DCAF15: variants seen among roughly 807,000 people sequenced by gnomAD.
DCAF15 encodes DDB1- and CUL4-associated factor 15.
A neutral mutation model predicts 68.0 loss-of-function variants in DCAF15; 24 were observed. That is an observed-to-expected ratio of 0.35 (90% CI 0.26 to 0.50). The LOEUF is 0.50. Ranked by LOEUF, DCAF15 falls within the 20% of genes least tolerant of loss-of-function variation. DCAF15 has a pLI of 0.98. For synonymous variants in DCAF15, 376 were observed against 341.6 expected (o/e 1.10, Z -1.11); for missense variants, 627 against 830.6 (o/e 0.75, Z 3.01).
At position 13,960,403 on chromosome 19, in the gene DCAF15, C is replaced by A. The variant is rs758913399; in HGVS notation, c.1631+12C>A. The A allele has an allele frequency of 1.2e-6, 2 of 1,613,428 alleles. No homozygotes were observed. The highest frequency in any genetic ancestry group is 1.7e-6 in the Non-Finnish European group (2 of 1,179,700). ...AAAGGGCAGACCAGGTGAGGCAGGG[C>A]TGGGGGGCAGGGTCAGGGCGCGGCC... On this transcript the variant is annotated intron_variant, in intron 11 of 12. Transcript: ENST00000254337.
intron 12 of DCAF15, 92 bp downstream of exon 12, chr19:13,960,672 G>T: frequency 7.6e-7 from 1 of 1,307,506 alleles, no homozygotes; most frequent in South Asian, 1.4e-5. Context: ...AAATGGGTGG[G>T]AAGGCTGGTG....
At chr19:13,960,181 G>T in intron 10 of DCAF15, 106 bp from the exon 11 acceptor site, 1 of 1,566,752 alleles carries the variant, frequency 6.4e-7, no homozygotes, top group Non-Finnish European at 8.7e-7. Context: ...ACCTGGCTGG[G>T]CCCCTCCATA....
chr19:13,952,555 AGCG>A lies in DCAF15; in HGVS notation c.55_57del (p.Gly19del), dbSNP rs1157656435. On this transcript the variant is annotated inframe_deletion, in exon 1 of 13. Coordinates refer to ENST00000254337, the MANE Select transcript of DCAF15 (RefSeq NM_138353.4). ...ATCGGAGCGGAACAGCGGGGCTGGGAGCGGCGGCGGCGGCCCCGGGGGAGCCGG... is the reference window on the plus strand; with the variant it reads ...ATCGGAGCGGAACAGCGGGGCTGGGAGCGGCGGCGGCCCCGGGGGAGCCGG... The A allele has an allele frequency of 6.3e-6, 8 of 1,264,084 alleles. No homozygotes were observed. The highest frequency in any genetic ancestry group is 6.8e-5 in the South Asian group (2 of 29,354). The allele number at this position is 1,264,084 out of a possible 1,614,324, so 78.3% of individuals were successfully genotyped here. A position where few individuals can be genotyped will look rare whatever the true frequency, so the allele number is the denominator to read the frequency against.
chr19:13,952,738 TGGGGGCGGGGCCCCAGGGGA>T, intron 1 of DCAF15, 94 bp downstream of exon 1: 1 of 83,786 alleles, frequency 1.2e-5, no homozygotes, highest in Non-Finnish European at 2.1e-5. Context: ...GGTGAGGGGT[TGGGGGCGGGGCCCCAGGGGA>T]GGGGGCTCGG....
At position 13,959,099 on chromosome 19, in the gene DCAF15, C is replaced by T. The variant is rs1156735206; in HGVS notation, c.839C>T (p.Pro280Leu). ...GACCACAGCACCTGCCCCCTGGCGC[C>T]TGCCAGCCCCCCTGAGCCCCAGAGC... ...LYDHSTCPLA[P>L]ASPPEPQSPE... The change falls in exon 7 of 13, where the codon CCT becomes CTT. Residue 280 changes from proline (P) to leucine (L), a missense_variant. Around this residue, in one of 3 missense-constraint regions of DCAF15, gnomAD observed 273 missense variants for 393.7 expected, o/e 0.69. Transcript: ENST00000254337. 4 of 1,612,544 alleles carry T rather than the reference C, an allele frequency of 2.5e-6. No individual in the cohort carries two copies. Among genetic ancestry groups the T allele is most frequent in the East Asian group, 2.2e-5 (1 of 44,846 alleles).
chr19:13,955,868 C>A (rs749174376), intron 3 of DCAF15, 44 bp from the exon 4 acceptor site: 3 of 1,602,280 alleles, frequency 1.9e-6, no homozygotes, highest in Non-Finnish European at 1.7e-6. Context: ...GGGGGACCTC[C>A]GCAGTTTCCC....
intron 6 of DCAF15, among the ~76,000 whole-genome samples, chr19:13,958,009 C>A (rs1478145033): frequency 2.0e-5 from 3 of 152,166 alleles, no homozygotes; most frequent in African/African-American, 7.2e-5. Context: ...ATAACGCAGC[C>A]CACAAATAAG....
At chr19:13,954,696 A>G in intron 3 of DCAF15, 35 bp downstream of exon 3, 3 of 1,612,506 alleles carry the variant, frequency 1.9e-6, no homozygotes, top group Non-Finnish European at 2.5e-6. Context: ...GGCCCTTCAG[A>G]TGGTGTGGTT....
intron 1 of DCAF15, chr19:13,953,414 TG>T (rs1973183449): frequency 2.9e-6 from 1 of 348,046 alleles, no homozygotes; most frequent in Non-Finnish European, 5.3e-6. Context: ...CCCTTTTGAC[TG>T]GGAGCTCCCT....
Position 13,956,383 on chromosome 19 carries a change from C to T in DCAF15, c.645C>T (p.Gly215=). The stretch of plus-strand genomic sequence containing the variant: ...CGAATGCACAGTGCCTACGGCATGG[C>T]TTCATGCTGCACACCAAGTACCAGG... ...GDPNAQCLRH[G]FMLHTKYQVV... Residue 215 remains glycine, a synonymous_variant, in exon 6 of 13, where the codon GGC becomes GGT. Coordinates refer to ENST00000254337, the MANE Select transcript of DCAF15 (RefSeq NM_138353.4). 3 of 1,613,850 alleles carry T rather than the reference C, an allele frequency of 1.9e-6. No individual in the cohort carries two copies. Among genetic ancestry groups the T allele is most frequent in the Non-Finnish European group, 2.5e-6 (3 of 1,180,022 alleles).
rs1973504811 is a variant in DCAF15 at position 13,959,484 on chromosome 19, G to C, written c.1219+5G>C. ...AGGGGACGGAGCCGGAGGATGGTGA[G>C]CGGGGGGCAGGCATGTGACAGGGCC... On this transcript the variant is annotated splice_donor_5th_base_variant and intron_variant, in intron 7 of 12. Coordinates refer to ENST00000254337, the MANE Select transcript of DCAF15 (RefSeq NM_138353.4). 1 of 1,609,276 alleles carries C rather than the reference G, an allele frequency of 6.2e-7. No individual in the cohort carries two copies. Among genetic ancestry groups the C allele is most frequent in the Admixed American group, 1.7e-5 (1 of 59,888 alleles).
intron 6 of DCAF15, among the ~76,000 whole-genome samples, chr19:13,958,629 G>A (rs565735314): frequency 1.2e-4 from 18 of 152,152 alleles, no homozygotes; most frequent in South Asian, 2.1e-4. Context: ...AGGAAGGACC[G>A]AGGGCTTTGC....
chr19:13,958,271 C>T (rs4926322), intron 6 of DCAF15, among the ~76,000 whole-genome samples: 75,083 of 151,852 alleles, frequency 0.49, 20,910 homozygotes, highest in African/African-American at 0.77. Flanking sequence ...TGGGAGCTGC[C>T]GACACAGAGG....
In DCAF15 at chr19:13,952,524, C is replaced by T; in HGVS notation, c.12C>T (p.Ser4=). The change falls in exon 1 of 13, where the codon AGC becomes AGT. Residue 4 remains serine (S), a synonymous_variant. Transcript: ENST00000254337. MAP[S]SKSERNSGAG... ...GGGAGGGGGTGAAAATGGCGCCCAG[C>T]TCGAAATCGGAGCGGAACAGCGGGG... is the stretch of plus-strand genomic sequence containing the variant. 1.6e-6 allele frequency: 2 copies of T among 1,250,676 alleles called. No homozygotes were observed. The highest frequency in any genetic ancestry group is 2.0e-6 in the Non-Finnish European group (2 of 990,650). The allele number at this position is 1,250,676 out of a possible 1,614,324, so 77.5% of individuals were successfully genotyped here.
chr19:13,955,397 CAG>C (rs1248861711), intron 3 of DCAF15, among the ~76,000 whole-genome samples: 1 of 152,174 alleles, frequency 6.6e-6, no homozygotes, highest in Non-Finnish European at 1.5e-5. Context: ...CTCCAGTCTA[CAG>C]AGCAAGACTC....
chr19:13,960,101 C>T, intron 10 of DCAF15, 32 bp downstream of exon 10: 1 of 1,610,752 alleles, frequency 6.2e-7, no homozygotes, highest in Non-Finnish European at 8.5e-7. Flanking sequence ...TCTCTGTCCA[C>T]TAGGGGGGCC....
At position 13,953,206 on chromosome 19, in the gene DCAF15, C is replaced by G. The variant is rs372012256; in HGVS notation, c.132+562C>G. On this transcript the variant is annotated intron_variant, in intron 1 of 12. Transcript: ENST00000254337. ...AGAGTGAGAGTTACCGAAGCAGGCT[C>G]TGTCTCCTCCATCAGACTGGAAACT... 1.0e-4 allele frequency: 147 copies of G among 1,413,570 alleles called. 1 individual carries two copies. Among genetic ancestry groups the G allele is most frequent in the South Asian group, 9.0e-4 (66 of 73,712 alleles). 87.6% of individuals were successfully genotyped at this position (1,413,570 alleles called of 1,614,324 possible). A position where few individuals can be genotyped will look rare whatever the true frequency, so the allele number is the denominator to read the frequency against.
At position 13,959,654 on chromosome 19, in the gene DCAF15, G is replaced by A. The variant is rs762483670; in HGVS notation, c.1292G>A (p.Arg431Gln). The A allele has an allele frequency of 1.4e-5, 22 of 1,613,306 alleles. No homozygotes were observed. Among genetic ancestry groups the A allele is most frequent in the Admixed American group, 6.7e-5 (4 of 60,006 alleles). Residue 431 changes from arginine to glutamine, a missense_variant, in exon 8 of 13, where the codon CGG (arginine) becomes CAG (glutamine). Physicochemically the swap from Arg to Gln is conservative, Grantham distance 43. Around this residue, in one of 3 missense-constraint regions of DCAF15, gnomAD observed 236 missense variants for 225.1 expected, o/e 1.05. Transcript: ENST00000254337. The part of the protein sequence containing the change: ...DLRGRNLRPM[R>Q]ERTAVQGQYL... ...CGTGGCCGCAACCTGCGGCCCATGC[G>A]GGAGCGGACTGCTGTCCAGGTGGGT...
Position 13,952,550 on chromosome 19 carries a change from C to T in DCAF15, c.38C>T (p.Ala13Val). The change falls in exon 1 of 13, where the codon GCT becomes GTT. Residue 13 changes from alanine to valine, a missense_variant. Ala to Val is a moderately conservative substitution (Grantham distance 64). This residue lies in a region of DCAF15 where 273 missense variants were observed against 393.7 expected (regional missense o/e 0.69). Transcript: ENST00000254337. ...PSSKSERNSG[A>V]GSGGGGPGGA... ...TCGAAATCGGAGCGGAACAGCGGGG[C>T]TGGGAGCGGCGGCGGCGGCCCCGGG... 1 of 1,263,246 alleles carries T rather than the reference C, an allele frequency of 7.9e-7. No homozygotes were observed. Among genetic ancestry groups the T allele is most frequent in the Non-Finnish European group, 1.0e-6 (1 of 999,504 alleles). The allele number at this position is 1,263,246 out of a possible 1,614,324, so 78.3% of individuals were successfully genotyped here. A position where few individuals can be genotyped will look rare whatever the true frequency, so the allele number is the denominator to read the frequency against.
Sources: allele counts gnomAD v4.1 joint callset (sites outside exome capture counted in the v4.1 genomes callset), GRCh38; gene constraint gnomAD v4.1.1; regional missense constraint gnomAD v4.1.1; transcripts MANE v1.5; gene names NCBI Gene and HGNC (gene_info 2026-07-23, HGNC 2026-07-21).